Variants in GALNTL6 observed in about 807,000 individuals in gnomAD.
GALNTL6 encodes polypeptide N-acetylgalactosaminyltransferase-like 6.
A neutral mutation model predicts 73.7 loss-of-function variants in GALNTL6; 46 were observed. The observed-to-expected ratio is 0.62, with a 90% CI of 0.49 to 0.80. The LOEUF is 0.80. Ranked by LOEUF, GALNTL6 falls within the 30% of genes least tolerant of loss-of-function variation. The pLI, the probability that GALNTL6 is intolerant of heterozygous loss-of-function variation, is 0.00. For synonymous variants in GALNTL6, 259 were observed against 263.7 expected (o/e 0.98, Z 0.17); for missense variants, 604 against 755.0 (o/e 0.80, Z 2.34).
chr4:173,025,524 GGGT>G (rs1314586994), intron 12 of GALNTL6, among the ~76,000 whole-genome samples: 1 of 152,046 alleles, frequency 6.6e-6, no homozygotes, highest in Non-Finnish European at 1.5e-5. Flanking sequence ...TCTTACCCCT[GGGT>G]TATTGCAATG....
At chr4:172,418,972 T>C (rs1292423359) in intron 5 of GALNTL6, among the ~76,000 whole-genome samples, 1 of 152,194 alleles carries the variant, frequency 6.6e-6, no homozygotes, top group Admixed American at 6.6e-5. Context: ...GGAACTTTTT[T>C]AGTTATTTGT....
chr4:172,390,251 T>C (rs79165877), intron 5 of GALNTL6, among the ~76,000 whole-genome samples: 2,894 of 152,302 alleles, frequency 0.019, 83 homozygotes, highest in African/African-American at 0.064. Flanking sequence ...TTGATGCTTT[T>C]AACATACTCT....
intron 2 of GALNTL6, among the ~76,000 whole-genome samples, chr4:172,152,925 T>TATA (rs144954935): frequency 0.021 from 3,187 of 152,324 alleles, 34 homozygotes; most frequent in Non-Finnish European, 0.031. Flanking sequence ...TGCAACTCTT[T>TATA]ATAAAGTGTC....
chr4:172,860,648 C>T (rs1744347893), intron 7 of GALNTL6, among the ~76,000 whole-genome samples: 1 of 152,100 alleles, frequency 6.6e-6, no homozygotes. Context: ...AGAAAATAAA[C>T]TCTATCTTAC....
chr4:172,072,353 T>G (rs1207539166), intron 2 of GALNTL6, among the ~76,000 whole-genome samples: 1 of 152,162 alleles, frequency 6.6e-6, no homozygotes, highest in Non-Finnish European at 1.5e-5. Context: ...TTTTTTCTAC[T>G]TATCTTTTTA....
intron 2 of GALNTL6, among the ~76,000 whole-genome samples, chr4:172,005,409 G>A (rs1255504013): frequency 6.6e-6 from 1 of 152,122 alleles, no homozygotes; most frequent in African/African-American, 2.4e-5. Context: ...TTACAGGCAT[G>A]AGCCACTGCC....
At chr4:172,413,686 CT>C (rs1744525127) in intron 5 of GALNTL6, among the ~76,000 whole-genome samples, 1 of 142,796 alleles carries the variant, frequency 7.0e-6, no homozygotes, top group African/African-American at 2.6e-5. Flanking sequence ...ATCTGTGAAA[CT>C]GGAATAACAT....
At chr4:172,759,860 C>CG (rs1737972034) in intron 5 of GALNTL6, among the ~76,000 whole-genome samples, 1 of 116,998 alleles carries the variant, frequency 8.5e-6, no homozygotes, top group Non-Finnish European at 1.6e-5. Flanking sequence ...GACGGAGTCT[C>CG]GCTCTGTCGC....
chr4:171,928,507 A>G (rs1052254028), intron 2 of GALNTL6, among the ~76,000 whole-genome samples: 3 of 152,234 alleles, frequency 2.0e-5, no homozygotes, highest in Admixed American at 2.0e-4. Flanking sequence ...CTGGAAGGCT[A>G]TCAAAAATAC....
intron 5 of GALNTL6, among the ~76,000 whole-genome samples, chr4:172,581,895 G>A (rs913874125): frequency 6.6e-6 from 1 of 152,224 alleles, no homozygotes; most frequent in African/African-American, 2.4e-5. Context: ...ACCAGGTCAG[G>A]ATAGATCTGG....
chr4:171,906,407 A>G (rs1270780493), intron 2 of GALNTL6, among the ~76,000 whole-genome samples: 4 of 151,864 alleles, frequency 2.6e-5, no homozygotes, highest in Admixed American at 6.5e-5. Context: ...AAATGGATAA[A>G]TTCCTCGACA....
intron 2 of GALNTL6, among the ~76,000 whole-genome samples, chr4:171,943,442 C>G (rs1262817955): frequency 6.6e-6 from 1 of 152,160 alleles, no homozygotes; most frequent in Non-Finnish European, 1.5e-5. Context: ...CTTCTACAAT[C>G]TTAATACAGC....
intron 3 of GALNTL6, among the ~76,000 whole-genome samples, chr4:172,280,281 A>G (rs1028130366): frequency 2.0e-5 from 3 of 152,216 alleles, no homozygotes; most frequent in Non-Finnish European, 4.4e-5. Flanking sequence ...AATTCTGAAG[A>G]CAATACTTAG....
In GALNTL6 at chr4:172,286,031, C is replaced by G. The variant is rs1033775493; in HGVS notation, c.248-25583C>G. Among the ~76,000 whole-genome samples the G allele has an allele frequency of 1.4e-4, 21 of 152,260 alleles. No individual in the cohort carries two copies. In the South Asian group the frequency reaches 2.3e-3, roughly 17 times the overall value. ...AGGAACTACATGTGATGCCATGAGT[C>G]GAAAGCATTGGAACCTTGGCTTCCT... On this transcript the variant is annotated intron_variant, in intron 3 of 12. Transcript: ENST00000506823.
intron 10 of GALNTL6, 116 bp downstream of exon 10, chr4:172,952,374 C>A: frequency 1.5e-6 from 1 of 664,020 alleles, no homozygotes; most frequent in Non-Finnish European, 2.6e-6. Flanking sequence ...AGCCAAGTAG[C>A]ATTCATTTAA....
intron 2 of GALNTL6, among the ~76,000 whole-genome samples, chr4:172,176,402 G>C (rs17058107): frequency 0.064 from 9,335 of 144,910 alleles, 514 homozygotes; most frequent in African/African-American, 0.15. Context: ...TGAAAATAAC[G>C]TTTATAGCCA....
intron 7 of GALNTL6, among the ~76,000 whole-genome samples, chr4:172,821,381 G>T (rs1741917508): frequency 2.0e-5 from 3 of 152,120 alleles, no homozygotes; most frequent in South Asian, 4.1e-4. Flanking sequence ...GAATCCTAGG[G>T]TTAATCAATA....
intron 7 of GALNTL6, among the ~76,000 whole-genome samples, chr4:172,860,833 A>T (rs1328880769): frequency 6.6e-6 from 1 of 152,174 alleles, no homozygotes; most frequent in Non-Finnish European, 1.5e-5. Context: ...TTTATAGGTG[A>T]TTTTTACACT....
At chr4:172,806,061 CT>C (rs1483339580) in intron 5 of GALNTL6, among the ~76,000 whole-genome samples, 32 of 152,174 alleles carry the variant, frequency 2.1e-4, no homozygotes, top group Admixed American at 1.3e-4. Context: ...AAAGCCATTT[CT>C]ACCATCTTCA....
Sources: allele counts gnomAD v4.1 joint callset (sites outside exome capture counted in the v4.1 genomes callset), GRCh38; gene constraint gnomAD v4.1.1; transcripts MANE v1.5; gene names NCBI Gene and HGNC (gene_info 2026-07-23, HGNC 2026-07-21).